TRPM6: variants seen among roughly 807,000 people sequenced by gnomAD.
TRPM6 encodes channel kinase 2.
TRPM6 carries 111 observed loss-of-function variants against 247.6 expected under a neutral mutation model. That is an observed-to-expected ratio of 0.45 (90% CI 0.38 to 0.52). The LOEUF is 0.52. Among genes scored for constraint, TRPM6 ranks in the 20% least tolerant of loss-of-function variants. The pLI, the probability that TRPM6 is intolerant of heterozygous loss-of-function variation, is 0.00. For synonymous variants in TRPM6, 892 were observed against 853.8 expected (o/e 1.04, Z -0.78); for missense variants, 2,126 against 2,421.5 (o/e 0.88, Z 2.56).
intron 28 of TRPM6, 116 bp from the exon 29 acceptor site, chr9:74,752,484 T>C: frequency 1.5e-6 from 1 of 664,976 alleles, no homozygotes; most frequent in Non-Finnish European, 2.6e-6. Context: ...GGATATAGTT[T>C]TCCCTTTCTG....
At chr9:74,799,577 G>GC (rs1828236469) in intron 17 of TRPM6, among the ~76,000 whole-genome samples, 1 of 146,076 alleles carries the variant, frequency 6.8e-6, no homozygotes, top group African/African-American at 2.6e-5. Flanking sequence ...CACACATTGG[G>GC]TAAGCAGAAC....
intron 27 of TRPM6, 45 bp downstream of exon 27, chr9:74,761,651 C>A: frequency 8.2e-7 from 1 of 1,220,846 alleles, no homozygotes; most frequent in Non-Finnish European, 1.2e-6. Context: ...TAGGCCACTA[C>A]CTTGACTGCT....
chr9:74,864,822 TG>T (rs1830793405), intron 1 of TRPM6, among the ~76,000 whole-genome samples: 1 of 152,130 alleles, frequency 6.6e-6, no homozygotes. Context: ...CCTGAATCCC[TG>T]TACTTTGGGA....
At chr9:74,818,284 C>A (rs1370176003) in intron 9 of TRPM6, among the ~76,000 whole-genome samples, 3 of 132,364 alleles carry the variant, frequency 2.3e-5, no homozygotes, top group African/African-American at 5.9e-5. Context: ...CGTTTCAGAT[C>A]TATCATTTCT....
At chr9:74,795,771 A>G (rs1828075172) in intron 18 of TRPM6, among the ~76,000 whole-genome samples, 1 of 152,244 alleles carries the variant, frequency 6.6e-6, no homozygotes, top group African/African-American at 2.4e-5. Flanking sequence ...TCAGCTAAAA[A>G]GATCTAAATT....
intron 4 of TRPM6, among the ~76,000 whole-genome samples, chr9:74,841,901 A>G (rs1466021078): frequency 1.3e-5 from 2 of 152,220 alleles, no homozygotes; most frequent in Admixed American, 6.5e-5. Context: ...GTGAAGGCAC[A>G]AATACTTCAA....
At chr9:74,799,666 A>G (rs185267749) in intron 17 of TRPM6, among the ~76,000 whole-genome samples, 352 of 152,268 alleles carry the variant, frequency 2.3e-3, no homozygotes, top group African/African-American at 8.2e-3. Flanking sequence ...AAAAAGTCTC[A>G]TTTACTTTTG....
At chr9:74,804,545 C>T (rs1828466154) in intron 14 of TRPM6, 15 of 735,404 alleles carry the variant, frequency 2.0e-5, no homozygotes, top group South Asian at 2.8e-5. Context: ...CTGCTGCAAA[C>T]GCGGTGACCA....
chr9:74,755,654 T>C (rs1031717475), intron 27 of TRPM6, among the ~76,000 whole-genome samples, 181 bp from the exon 28 acceptor site: 1 of 152,180 alleles, frequency 6.6e-6, no homozygotes, highest in African/African-American at 2.4e-5. Flanking sequence ...ATCCATGTGA[T>C]TTCTCTTTGC....
At chr9:74,795,211 G>A (rs1828049048) in intron 18 of TRPM6, among the ~76,000 whole-genome samples, 1 of 152,000 alleles carries the variant, frequency 6.6e-6, no homozygotes, top group South Asian at 2.1e-4. Context: ...TTCTCACCTG[G>A]ATGGCTACCC....
chr9:74,758,898 A>G (rs1826528094), intron 27 of TRPM6, among the ~76,000 whole-genome samples: 1 of 152,154 alleles, frequency 6.6e-6, no homozygotes, highest in Admixed American at 6.5e-5. Context: ...AAAGCTACAC[A>G]ATATCTACTC....
Position 74,769,760 on chromosome 9 carries a change from AAAGG to A in TRPM6, c.3536+1939_3536+1942del, listed in dbSNP as rs566504397. Among the ~76,000 whole-genome samples the A allele has an allele frequency of 1.4e-3, 166 of 120,262 alleles. 1 individual carries two copies. The highest frequency in any genetic ancestry group is 1.8e-3 in the Non-Finnish European group (105 of 59,752). 78.9% of individuals were successfully genotyped at this position (120,262 alleles called of 152,430 possible). Reference sequence around the variant, plus strand: ...TGACAGAGTGAGACTCCGTTGAAATAAAGGAAGGAAGGAAGGAAGGAAGGACGGA... The same window carrying A: ...TGACAGAGTGAGACTCCGTTGAAATAAAGGAAGGAAGGAAGGAAGGACGGA... On this transcript the variant is annotated intron_variant, in intron 25 of 38. Transcript: ENST00000360774.
chr9:74,872,343 G>A (rs967519174), intron 1 of TRPM6, among the ~76,000 whole-genome samples: 6 of 151,878 alleles, frequency 4.0e-5, no homozygotes, highest in African/African-American at 1.5e-4. Context: ...TGCTTTGTTG[G>A]CCAGGCTGGT....
intron 1 of TRPM6, among the ~76,000 whole-genome samples, chr9:74,861,471 G>T (rs1350510220): frequency 6.6e-6 from 1 of 152,074 alleles, no homozygotes; most frequent in African/African-American, 2.4e-5. Context: ...ATGCTAAAAG[G>T]GTATCTAATG....
intron 15 of TRPM6, 112 bp from the exon 16 acceptor site, chr9:74,802,287 A>T: frequency 1.1e-6 from 1 of 941,558 alleles, no homozygotes; most frequent in South Asian, 1.5e-5. Context: ...ACTAAAAAAG[A>T]GATGGAAATA....
intron 14 of TRPM6, among the ~76,000 whole-genome samples, chr9:74,806,004 T>C (rs1564023444): frequency 6.6e-6 from 1 of 152,266 alleles, no homozygotes; most frequent in East Asian, 1.9e-4. Context: ...TAAGGAATTA[T>C]TCATTTTTTA....
rs1328995829 is a variant in TRPM6 at position 74,827,872 on chromosome 9, G to C, written c.747C>G (p.Ile249Met). ...TTLNSMHSHF[I>M]LSDDGTVGKY... ...TGCCCACGGTCCCATCATCAGACAGGATGAAGTGCGAGTGCATGCTGTTGA... is the reference window on the plus strand; with the variant it reads ...TGCCCACGGTCCCATCATCAGACAGCATGAAGTGCGAGTGCATGCTGTTGA... Residue 249 changes from isoleucine to methionine, a missense_variant, in exon 7 of 39, where the codon ATC (isoleucine) becomes ATG (methionine). Physicochemically the swap from Ile to Met is conservative, Grantham distance 10. Around this residue, in one of 3 missense-constraint regions of TRPM6, gnomAD observed 1,082 missense variants for 1,307.9 expected, o/e 0.83. Transcript: ENST00000360774. The C allele has an allele frequency of 9.9e-6, 16 of 1,613,972 alleles. No homozygotes were observed. The highest frequency in any genetic ancestry group is 1.4e-5 in the Non-Finnish European group (16 of 1,180,036).
rs530033020 is a variant in TRPM6 at position 74,767,457 on chromosome 9, CTCT to C, written c.3536+4243_3536+4245del. ...CTTGATTCGAGAAGGATATAGCAATCTCTTCTTCAGAAGTAGGCTAATGTGCAA... is the reference window on the plus strand; with the variant it reads ...CTTGATTCGAGAAGGATATAGCAATCTCTTCAGAAGTAGGCTAATGTGCAA... On this transcript the variant is annotated intron_variant, in intron 25 of 38. Transcript: ENST00000360774. 2.3e-3 allele frequency among the ~76,000 whole-genome samples: 352 copies of C among 152,308 alleles called. 1 individual carries two copies. Among genetic ancestry groups the C allele is most frequent in the African/African-American group, 8.2e-3 (342 of 41,574 alleles).
chr9:74,846,257 T>A (rs1830103536), intron 3 of TRPM6, among the ~76,000 whole-genome samples: 1 of 152,216 alleles, frequency 6.6e-6, no homozygotes, highest in Non-Finnish European at 1.5e-5. Flanking sequence ...TATGGCCCAG[T>A]ACATGAACAG....
Sources: allele counts gnomAD v4.1 joint callset (sites outside exome capture counted in the v4.1 genomes callset), GRCh38; gene constraint gnomAD v4.1.1; regional missense constraint gnomAD v4.1.1; transcripts MANE v1.5; gene names NCBI Gene and HGNC (gene_info 2026-07-23, HGNC 2026-07-21).